The following CNTRL variants were observed in gnomAD, a reference collection of about 807,000 sequenced individuals.
The protein encoded by CNTRL is centriolin, also known as 110 kDa centrosomal protein.
A neutral mutation model predicts 303.7 loss-of-function variants in CNTRL; 233 were observed. The ratio of observed to expected loss-of-function variants is 0.77; its 90% CI spans 0.69 to 0.86. CNTRL has a LOEUF of 0.86. Among genes scored for constraint, CNTRL ranks in the 40% least tolerant of loss-of-function variants. The pLI, the probability that CNTRL is intolerant of heterozygous loss-of-function variation, is 0.00. For synonymous variants in CNTRL, 900 were observed against 922.2 expected, an observed-to-expected ratio of 0.98 and a Z score of 0.44; for missense variants, 2,524 against 2,650.6, an observed-to-expected ratio of 0.95 and a Z score of 1.05.
intron 12 of CNTRL, chr9:121,121,721 G>A: frequency 1.1e-6 from 1 of 937,704 alleles, no homozygotes; most frequent in Non-Finnish European, 1.3e-6. Context: ...CGGAGGGTGG[G>A]GCCTGCCCGC....
Position 121,140,636 on chromosome 9 carries a change from C to T in CNTRL, c.2338-5C>T. 5.0e-6 allele frequency: 8 copies of T among 1,603,546 alleles called. No homozygotes were observed. Among genetic ancestry groups the T allele is most frequent in the Non-Finnish European group, 6.8e-6 (8 of 1,173,570 alleles). On this transcript the variant is annotated splice_polypyrimidine_tract_variant and splice_region_variant and intron_variant, in intron 16 of 43. Transcript: ENST00000373855. ...AGATAATCCCTATTTCATCCCCCTC[C>T]ATAGGATGACAATAATCTGTTAAAA... is the stretch of plus-strand genomic sequence containing the variant.
intron 34 of CNTRL, among the ~76,000 whole-genome samples, chr9:121,164,100 G>A (rs532296385): frequency 6.6e-6 from 1 of 152,022 alleles, no homozygotes; most frequent in Admixed American, 6.6e-5. Flanking sequence ...CCCTGACCTC[G>A]TGATCCACCT....
intron 7 of CNTRL, among the ~76,000 whole-genome samples, chr9:121,105,131 G>T (rs2049402466): frequency 6.6e-6 from 1 of 152,180 alleles, no homozygotes; most frequent in Non-Finnish European, 1.5e-5. Context: ...ATCTAGGCTG[G>T]AGTCTATGCC....
chr9:121,104,218 C>G (rs1588115257), intron 7 of CNTRL, among the ~76,000 whole-genome samples: 1 of 152,190 alleles, frequency 6.6e-6, no homozygotes, highest in Admixed American at 6.5e-5. Context: ...AGTTCATGTC[C>G]TTTGTAGGGA....
rs753332920 is a variant in CNTRL at position 121,173,350 on chromosome 9, T to TA, written c.6527dup (p.Asn2176LysfsTer38). ...AAATCAGAACCAGCTTGAAGAATCT[T>TA]AATCAGTTTCTTCCAGAACTACCAG... On this transcript the variant is annotated frameshift_variant, in exon 41 of 44. Coordinates refer to ENST00000373855, the MANE Select transcript of CNTRL (RefSeq NM_007018.6). LOFTEE classifies it high-confidence loss of function. 8.1e-6 allele frequency: 13 copies of TA among 1,614,032 alleles called. No homozygotes were observed. The highest frequency in any genetic ancestry group is 1.0e-5 in the Non-Finnish European group (12 of 1,180,004).
intron 39 of CNTRL, 88 bp downstream of exon 39, chr9:121,169,904 A>G: frequency 4.7e-6 from 5 of 1,074,528 alleles, no homozygotes; most frequent in Non-Finnish European, 6.9e-6. Context: ...GAGAAAATAA[A>G]TTACCCATCA....
chr9:121,124,757 G>T (rs1162622833), intron 13 of CNTRL, among the ~76,000 whole-genome samples: 1 of 144,752 alleles, frequency 6.9e-6, no homozygotes, highest in Admixed American at 7.2e-5. Context: ...GGGCAACATG[G>T]CGAAACCCCG....
At chr9:121,100,563 A>G (rs558261801) in intron 7 of CNTRL, among the ~76,000 whole-genome samples, 1 of 152,254 alleles carries the variant, frequency 6.6e-6, no homozygotes, top group East Asian at 1.9e-4. Context: ...TAACAATATT[A>G]ACCTTAAATG....
chr9:121,157,705 A>G, intron 28 of CNTRL, 35 bp from the exon 29 acceptor site: 3 of 1,610,324 alleles, frequency 1.9e-6, no homozygotes, highest in South Asian at 2.2e-5. Context: ...TGGTAAGTCT[A>G]CAGGACCTGG....
rs368706362 is a variant in CNTRL, at chr9:121,134,140, T to G, written c.2026-1666T>G. On this transcript the variant is annotated intron_variant, in intron 14 of 43. Coordinates refer to ENST00000373855, the MANE Select transcript of CNTRL (RefSeq NM_007018.6). The stretch of plus-strand genomic sequence containing the variant: ...TTTTCTCTTTCTCATAGACACATAC[T>G]TTTTTCCTTTGCTCATTAGAAAGTT... Among the ~76,000 whole-genome samples, 86 of 152,304 alleles carry G rather than the reference T, an allele frequency of 5.6e-4. 1 individual carries two copies. Among genetic ancestry groups the G allele is most frequent in the African/African-American group, 1.9e-3 (81 of 41,548 alleles).
In CNTRL at chr9:121,157,885, G is replaced by A. The variant is rs1359253788; in HGVS notation, c.4637+5G>A. 8 of 1,613,960 alleles carry A rather than the reference G, an allele frequency of 5.0e-6. No homozygotes were observed. The highest frequency in any genetic ancestry group is 6.8e-6 in the Non-Finnish European group (8 of 1,179,968). On this transcript the variant is annotated splice_donor_5th_base_variant and intron_variant, in intron 29 of 43. Transcript: ENST00000373855. ...GAAGGAAAAACTGACAGAAGAGTAA[G>A]TAAGGCCTCTGTAGGGCTACAAGGG... is the stretch of plus-strand genomic sequence containing the variant.
intron 27 of CNTRL, among the ~76,000 whole-genome samples, chr9:121,156,512 G>T (rs1168075964): frequency 6.6e-6 from 1 of 152,208 alleles, no homozygotes; most frequent in Non-Finnish European, 1.5e-5. Flanking sequence ...GAAATGGAAA[G>T]ACGTATGGTA....
In CNTRL at chr9:121,142,113, A is replaced by C. The variant is rs779008630; in HGVS notation, c.2714A>C (p.His905Pro). The C allele has an allele frequency of 1.0e-5, 16 of 1,599,364 alleles. No individual in the cohort carries two copies. Among genetic ancestry groups the C allele is most frequent in the Middle Eastern group, 3.4e-4 (2 of 5,940 alleles). Residue 905 changes from histidine (H) to proline (P), a missense_variant, in exon 19 of 44, where the codon CAT (histidine) becomes CCT (proline). His to Pro is a moderately conservative substitution (Grantham distance 77). Coordinates refer to ENST00000373855, the MANE Select transcript of CNTRL (RefSeq NM_007018.6). ...CAGATGAATTTTGATAAGAGGCAAC[A>C]TGAAGCAAGAATCCAGCAAATGGAG... Reference protein sequence around the residue: ...EARMNFDKRQHEARIQQMENE... With the variant: ...EARMNFDKRQPEARIQQMENE...
At chr9:121,172,970 A>G (rs370364072) in intron 40 of CNTRL, among the ~76,000 whole-genome samples, 2 of 152,346 alleles carry the variant, frequency 1.3e-5, no homozygotes, top group East Asian at 3.9e-4. Flanking sequence ...TCTGACTCCA[A>G]AGAGATTGTC....
intron 8 of CNTRL, 94 bp from the exon 9 acceptor site, chr9:121,112,365 G>A (rs1184071824): frequency 2.7e-6 from 3 of 1,105,378 alleles, no homozygotes; most frequent in East Asian, 5.0e-5. Context: ...AAACATATAT[G>A]ATTATAACTT....
At chr9:121,166,559 A>T (rs1450539483) in intron 36 of CNTRL, among the ~76,000 whole-genome samples, 1 of 152,192 alleles carries the variant, frequency 6.6e-6, no homozygotes, top group Non-Finnish European at 1.5e-5. Context: ...TGAGCCATAG[A>T]GTACCCGCCA....
At chr9:121,101,408 G>A (rs1013789782) in intron 7 of CNTRL, among the ~76,000 whole-genome samples, 3 of 152,218 alleles carry the variant, frequency 2.0e-5, no homozygotes, top group East Asian at 1.9e-4. Context: ...GCAGTGTGTA[G>A]AGGGAAATGT....
chr9:121,162,435 GCT>G, intron 34 of CNTRL, 164 bp downstream of exon 34: 1 of 600,132 alleles, frequency 1.7e-6, no homozygotes, highest in South Asian at 1.9e-5. Context: ...TTTCCTTCTA[GCT>G]TTTTTTTTTT....
intron 1 of CNTRL, among the ~76,000 whole-genome samples, chr9:121,075,681 G>C (rs1356001241): frequency 6.6e-6 from 1 of 152,184 alleles, no homozygotes; most frequent in Non-Finnish European, 1.5e-5. Flanking sequence ...GAGCCTTCCT[G>C]ATCATGTTTC....
Sources: gnomAD v4.1 joint callset for allele counts (sites outside exome capture counted in the v4.1 genomes callset) on GRCh38, gnomAD v4.1.1 for gene constraint, MANE v1.5 for transcripts, NCBI Gene and HGNC (gene_info 2026-07-23, HGNC 2026-07-21) for gene names.